Variants in CTU1 observed in about 807,000 individuals in gnomAD.
CTU1 encodes the protein cytosolic thiouridylase subunit 1, also known as cytoplasmic tRNA 2-thiolation protein 1.
CTU1 carries 15 observed loss-of-function variants against 12.9 expected under a neutral mutation model. The observed-to-expected ratio is 1.16, with a 90% CI of 0.78 to 1.79. The LOEUF (loss-of-function observed/expected upper bound fraction) is 1.79. CTU1 is among the 40% of genes most tolerant of loss of function. The pLI is 0.00. For missense variants in CTU1, 553 were observed against 550.5 expected, an observed-to-expected ratio of 1.00 and a Z score of -0.05; for synonymous variants, 295 against 275.6, an observed-to-expected ratio of 1.07 and a Z score of -0.70.
At chr19:51,107,625 G>A (rs2091923687) in intron 1 of CTU1, among the ~76,000 whole-genome samples, 1 of 152,136 alleles carries the variant, frequency 6.6e-6, no homozygotes, top group Non-Finnish European at 1.5e-5. Flanking sequence ...GAGCCCACAG[G>A]ACTTGTATAA....
chr19:51,106,313 C>T (rs933518019), intron 1 of CTU1, among the ~76,000 whole-genome samples: 2 of 152,146 alleles, frequency 1.3e-5, no homozygotes, highest in Non-Finnish European at 1.5e-5. Flanking sequence ...GCCCTTAGGA[C>T]TCATCTGCAG....
chr19:51,106,914 C>G (rs148275142), intron 1 of CTU1, among the ~76,000 whole-genome samples: 1 of 152,260 alleles, frequency 6.6e-6, no homozygotes, highest in Non-Finnish European at 1.5e-5. Flanking sequence ...ATGTTCAGAC[C>G]CTAAGCGCCC....
At chr19:51,106,672 A>ATTTTTTTTT (rs56150506) in intron 1 of CTU1, among the ~76,000 whole-genome samples, 1 of 136,236 alleles carries the variant, frequency 7.3e-6, no homozygotes, top group Non-Finnish European at 1.6e-5. Context: ...TGCCTGGCTA[A>ATTTTTTTTT]TTTTTTTTTT....
Position 51,098,283 on chromosome 19 carries a change from C to T in CTU1, c.*318G>A, listed in dbSNP as rs2091896139. On this transcript the variant is annotated 3_prime_UTR_variant, in exon 3 of 3. Coordinates refer to ENST00000421832, the MANE Select transcript of CTU1 (RefSeq NM_145232.4). This position sits in a 1 kb window ranked among gnomAD's most constrained non-coding sequence, Gnocchi z 4.3. ...GACCCAGGAGTCCACGACCCCAGGC[C>T]CTCCTTCCTCAGCCACAGATGCCTG... 1.1e-5 allele frequency: 2 copies of T among 187,610 alleles called. No individual in the cohort carries two copies. Among genetic ancestry groups the T allele is most frequent in the South Asian group, 1.9e-4 (1 of 5,216 alleles). The allele number at this position is 187,610 out of a possible 1,614,324, so 11.6% of individuals were successfully genotyped here. A position where few individuals can be genotyped will look rare whatever the true frequency, so the allele number is the denominator to read the frequency against.
At chr19:51,107,190 C>T (rs1265312589) in intron 1 of CTU1, among the ~76,000 whole-genome samples, 1 of 152,152 alleles carries the variant, frequency 6.6e-6, no homozygotes, top group Non-Finnish European at 1.5e-5. Context: ...TAGGTTTATT[C>T]AGGAGGAGAT....
At chr19:51,102,467 ACC>A (rs2091909602) in intron 2 of CTU1, among the ~76,000 whole-genome samples, 2 of 152,226 alleles carry the variant, frequency 1.3e-5, no homozygotes, top group African/African-American at 4.8e-5. Flanking sequence ...CAGTGGCCCT[ACC>A]TAGCATGGTG....
At chr19:51,105,492 C>T (rs924073846) in intron 1 of CTU1, among the ~76,000 whole-genome samples, 18 of 152,202 alleles carry the variant, frequency 1.2e-4, no homozygotes, top group African/African-American at 4.3e-4. Flanking sequence ...ACTCCCCAGG[C>T]TCAGTTCTCC....
intron 1 of CTU1, among the ~76,000 whole-genome samples, chr19:51,107,794 C>T (rs1339506864): frequency 6.6e-6 from 1 of 152,134 alleles, no homozygotes; most frequent in Non-Finnish European, 1.5e-5. Flanking sequence ...GCATGTTAAG[C>T]GTCTTCCCTC....
chr19:51,098,716 C>A lies in CTU1; in HGVS notation c.932G>T (p.Gly311Val). 1 of 1,259,292 alleles carries A rather than the reference C, an allele frequency of 7.9e-7. No individual in the cohort carries two copies. The highest frequency in any genetic ancestry group is 1.0e-6 in the Non-Finnish European group (1 of 996,916). The allele number at this position is 1,259,292 out of a possible 1,614,324, so 78.0% of individuals were successfully genotyped here. A position where few individuals can be genotyped will look rare whatever the true frequency, so the allele number is the denominator to read the frequency against. Residue 311 changes from glycine (G) to valine (V), a missense_variant, in exon 3 of 3, where the codon GGC becomes GTC. Gly to Val is a moderately radical substitution (Grantham distance 109, BLOSUM62 -3). Around this residue, in one of 2 missense-constraint regions of CTU1, gnomAD observed 53 missense variants for 92.0 expected, o/e 0.58. Coordinates refer to ENST00000421832, the MANE Select transcript of CTU1 (RefSeq NM_145232.4). The surrounding 1 kb of genome is among the most constrained non-coding windows in gnomAD (Gnocchi z 4.3). The stretch of plus-strand genomic sequence containing the variant: ...CTTGCCGATGGCCAGGCGGGGCCGG[C>A]CGCGGTTCAGGCCGTCCAGGAGCGC... ...ACALLDGLNR[G>V]RPRLAIGKGR...
Position 51,098,659 on chromosome 19 carries a change from G to A in CTU1, c.989C>T (p.Pro330Leu), listed in dbSNP as rs1244155267. The stretch of plus-strand genomic sequence containing the variant: ...CCGGGCCGGATCCCCGGGCGTCCCC[G>A]GCGTCGCCTCCTCGTCCAGACCCCG... ...GRRGLDEEAT[P>L]GTPGDPARPP... Residue 330 changes from proline to leucine, a missense_variant, in exon 3 of 3, where the codon CCG becomes CTG. Coordinates refer to ENST00000421832, the MANE Select transcript of CTU1 (RefSeq NM_145232.4). The surrounding 1 kb of genome is among the most constrained non-coding windows in gnomAD (Gnocchi z 4.3). The A allele has an allele frequency of 8.4e-6, 11 of 1,309,778 alleles. No homozygotes were observed. In the African/African-American group the frequency reaches 9.3e-5, roughly 11 times the overall value. 81.1% of individuals were successfully genotyped at this position (1,309,778 alleles called of 1,614,324 possible).
chr19:51,107,063 C>A (rs897932753), intron 1 of CTU1, among the ~76,000 whole-genome samples: 1 of 152,190 alleles, frequency 6.6e-6, no homozygotes, highest in African/African-American at 2.4e-5. Context: ...TCTCTCCTCA[C>A]CCCCTAAATC....
At chr19:51,100,137 T>C (rs374590606) in intron 2 of CTU1, among the ~76,000 whole-genome samples, 1 of 151,972 alleles carries the variant, frequency 6.6e-6, no homozygotes, top group Non-Finnish European at 1.5e-5. Flanking sequence ...GTGGTGCAGC[T>C]AGGTGGTGGC....
At chr19:51,105,865 C>T (rs2091919682) in intron 1 of CTU1, among the ~76,000 whole-genome samples, 1 of 152,214 alleles carries the variant, frequency 6.6e-6, no homozygotes, top group Admixed American at 6.5e-5. Context: ...CAAGTCCGGA[C>T]CTTTTCAAAC....
chr19:51,102,744 C>A (rs1411126877), intron 2 of CTU1, among the ~76,000 whole-genome samples: 1 of 152,240 alleles, frequency 6.6e-6, no homozygotes, highest in African/African-American at 2.4e-5. Flanking sequence ...GCCTCCCCTG[C>A]CCTTGCTTTC....
intron 1 of CTU1, among the ~76,000 whole-genome samples, chr19:51,106,433 T>C (rs73932813): frequency 0.054 from 8,249 of 152,214 alleles, 736 homozygotes; most frequent in African/African-American, 0.19. Context: ...CAATTCTCTT[T>C]TGGGGACGCC....
intron 2 of CTU1, among the ~76,000 whole-genome samples, chr19:51,099,927 C>T (rs1401324270): frequency 6.6e-6 from 1 of 152,076 alleles, no homozygotes; most frequent in Non-Finnish European, 1.5e-5. Context: ...TCAAGGTAAT[C>T]ACAAAGACCC....
intron 2 of CTU1, among the ~76,000 whole-genome samples, chr19:51,102,019 C>T (rs554763546): frequency 9.9e-5 from 15 of 151,550 alleles, no homozygotes; most frequent in Non-Finnish European, 2.1e-4. Flanking sequence ...TTTTTTTCTC[C>T]CCCAGCTGGA....
chr19:51,100,214 C>T (rs753107015), intron 2 of CTU1, among the ~76,000 whole-genome samples: 2 of 151,852 alleles, frequency 1.3e-5, no homozygotes, highest in Non-Finnish European at 2.9e-5. Flanking sequence ...TTGGGGATAC[C>T]TCATTTGCCA....
Position 51,104,477 on chromosome 19 carries a change from G to A in CTU1, c.93C>T (p.Cys31=), listed in dbSNP as rs544282661. ...SGQALCGACF[C]AAFEAEVLHT... is the part of the protein sequence containing the mutation. ...GCAGCACCTCGGCCTCGAAGGCGGC[G>A]CAGAAGCAGGCACCGCACAGCGCTT... is the stretch of plus-strand genomic sequence containing the variant. Residue 31 remains cysteine, a synonymous_variant, in exon 2 of 3, where the codon TGC becomes TGT. Coordinates refer to ENST00000421832, the MANE Select transcript of CTU1 (RefSeq NM_145232.4). 1,721 of 1,316,780 alleles carry A rather than the reference G, an allele frequency of 1.3e-3. 8 individuals carry two copies. The highest frequency in any genetic ancestry group is 4.6e-3 in the Middle Eastern group (17 of 3,682). The allele number at this position is 1,316,780 out of a possible 1,614,324, so 81.6% of individuals were successfully genotyped here.
Sources: gnomAD v4.1 joint callset for allele counts (sites outside exome capture counted in the v4.1 genomes callset) on GRCh38, gnomAD v4.1.1 for gene constraint, gnomAD v4.1.1 regional missense constraint, Gnocchi (gnomAD v3.1) non-coding constraint, MANE v1.5 for transcripts, NCBI Gene and HGNC (gene_info 2026-07-23, HGNC 2026-07-21) for gene names.